Variants in HMCES observed in about 807,000 individuals in gnomAD.
The protein encoded by HMCES is abasic site processing protein HMCES.
Under a neutral mutation model 35.1 loss-of-function variants are expected in HMCES, and 27 were observed. The ratio of observed to expected loss-of-function variants is 0.77; its 90% CI spans 0.57 to 1.06. The LOEUF (loss-of-function observed/expected upper bound fraction) is 1.06, where lower values mean the gene tolerates loss of function less well. Ranked by LOEUF, HMCES falls within the 50% of genes least tolerant of loss-of-function variation. The pLI, the probability that HMCES is intolerant of heterozygous loss-of-function variation, is 0.00. For missense variants in HMCES, 391 were observed against 430.4 expected (o/e 0.91, Z 0.81); for synonymous variants, 130 against 154.7 (o/e 0.84, Z 1.18).
At chr3:129,281,526 A>G (rs1387225203) in intron 2 of HMCES, among the ~76,000 whole-genome samples, 1 of 151,884 alleles carries the variant, frequency 6.6e-6, no homozygotes, top group African/African-American at 2.4e-5. Flanking sequence ...CCCCGTCTCT[A>G]CTGCAAATAC....
chr3:129,280,724 A>C (rs941243477), intron 2 of HMCES, among the ~76,000 whole-genome samples: 25 of 152,130 alleles, frequency 1.6e-4, no homozygotes, highest in Non-Finnish European at 2.4e-4. Flanking sequence ...GGTTATCTGA[A>C]GTTTAATTGC....
Position 129,304,902 on chromosome 3 carries a change from A to G in HMCES, c.*77A>G, listed in dbSNP as rs2107702293. On this transcript the variant is annotated 3_prime_UTR_variant, in exon 7 of 7. Coordinates refer to ENST00000383463, the MANE Select transcript of HMCES (RefSeq NM_020187.3). The stretch of plus-strand genomic sequence containing the variant: ...AATAGGTTCTTAACATTGTATGTAT[A>G]TGTGTTTGCTTTGGGAGGAGGTGGC... 8.3e-7 allele frequency: 1 copy of G among 1,198,010 alleles called. No individual in the cohort carries two copies. Among genetic ancestry groups the G allele is most frequent in the Non-Finnish European group, 1.2e-6 (1 of 819,678 alleles). The allele number at this position is 1,198,010 out of a possible 1,614,324, so 74.2% of individuals were successfully genotyped here.
chr3:129,300,687 G>C (rs1320925488), intron 5 of HMCES, among the ~76,000 whole-genome samples: 1 of 151,930 alleles, frequency 6.6e-6, no homozygotes, highest in African/African-American at 2.4e-5. Flanking sequence ...ACGAGTTCAG[G>C]AGATCAAGAC....
chr3:129,297,025 A>C (rs185279507), intron 4 of HMCES, among the ~76,000 whole-genome samples: 99 of 152,300 alleles, frequency 6.5e-4, no homozygotes, highest in African/African-American at 2.3e-3. Context: ...GGCATGAGCC[A>C]CCACGACCAG....
chr3:129,298,534 A>G lies in HMCES; in HGVS notation c.634A>G (p.Arg212Gly). The change falls in exon 5 of 7, where the codon AGG becomes GGG. Residue 212 changes from arginine to glycine, a missense_variant and splice_region_variant. By Grantham distance (125) the Arg-to-Gly change is moderately radical (BLOSUM62 -2). Transcript: ENST00000383463. The stretch of plus-strand genomic sequence containing the variant: ...CAAAGGCTTGAGTGACATCCACCAC[A>G]GGCAAGTCATACTTCTTAGCCCTGG... ...SCKGLSDIHHRMPAILDGEEA... is the reference protein window; with the variant it reads ...SCKGLSDIHHGMPAILDGEEA... 1 of 1,613,084 alleles carries G rather than the reference A, an allele frequency of 6.2e-7. No homozygotes were observed. Among genetic ancestry groups the G allele is most frequent in the Non-Finnish European group, 8.5e-7 (1 of 1,179,074 alleles).
chr3:129,292,015 G>T (rs1416329812), intron 4 of HMCES, among the ~76,000 whole-genome samples: 1 of 152,096 alleles, frequency 6.6e-6, no homozygotes, highest in Non-Finnish European at 1.5e-5. Context: ...GGTGGAGGTT[G>T]CAGTGAGCTG....
chr3:129,291,124 C>T (rs547708732), intron 4 of HMCES, among the ~76,000 whole-genome samples: 15 of 152,054 alleles, frequency 9.9e-5, no homozygotes, highest in Non-Finnish European at 1.0e-4. Context: ...ATCACTTGAA[C>T]CCACGAGATA....
intron 2 of HMCES, among the ~76,000 whole-genome samples, chr3:129,285,879 G>A (rs575076357): frequency 5.9e-5 from 9 of 152,026 alleles, no homozygotes; most frequent in East Asian, 3.9e-4. Flanking sequence ...ACAGGCACAC[G>A]CCACCACACC....
At chr3:129,291,144 A>G (rs949708618) in intron 4 of HMCES, among the ~76,000 whole-genome samples, 4 of 152,130 alleles carry the variant, frequency 2.6e-5, no homozygotes, top group South Asian at 2.1e-4. Context: ...AGAGGCTGCA[A>G]TGAGCTATGA....
chr3:129,302,786 G>T (rs2071185456), intron 6 of HMCES, among the ~76,000 whole-genome samples: 1 of 152,058 alleles, frequency 6.6e-6, no homozygotes, highest in African/African-American at 2.4e-5. Context: ...GCAGAGGTGG[G>T]AGGGTAGCTT....
chr3:129,294,294 G>A (rs1458208568), intron 4 of HMCES, among the ~76,000 whole-genome samples: 1 of 152,136 alleles, frequency 6.6e-6, no homozygotes, highest in Non-Finnish European at 1.5e-5. Context: ...GCAGTGGTGG[G>A]TGCCTGTAGT....
In HMCES at chr3:129,279,411, G is replaced by A. The variant is rs936405123; in HGVS notation, c.-23-299G>A. Among the ~76,000 whole-genome samples, 1 of 152,212 alleles carries A rather than the reference G, an allele frequency of 6.6e-6. No individual in the cohort carries two copies. The highest frequency in any genetic ancestry group is 1.5e-5 in the Non-Finnish European group (1 of 68,032). On this transcript the variant is annotated intron_variant, in intron 1 of 6. Transcript: ENST00000383463. The surrounding 1 kb of genome is among the most constrained non-coding windows in gnomAD (Gnocchi z 4.2). ...GAGGCGACCCCAGCTAGCTGCGCTT[G>A]CCCTGCTTCGCTGGACTGTGAAGCC...
At chr3:129,300,507 T>C (rs2071149672) in intron 5 of HMCES, among the ~76,000 whole-genome samples, 1 of 152,214 alleles carries the variant, frequency 6.6e-6, no homozygotes, top group Non-Finnish European at 1.5e-5. Context: ...GAGTACTCCC[T>C]GAAGTGATTT....
chr3:129,298,681 T>G, intron 5 of HMCES, 146 bp downstream of exon 5: 1 of 687,522 alleles, frequency 1.5e-6, no homozygotes, highest in South Asian at 2.0e-5. Flanking sequence ...CATACATTCC[T>G]AAAAATCACT....
At chr3:129,287,199 T>C (rs1483175764) in intron 2 of HMCES, among the ~76,000 whole-genome samples, 1 of 150,618 alleles carries the variant, frequency 6.6e-6, no homozygotes, top group African/African-American at 2.5e-5. Context: ...TTTTTGTTTT[T>C]TTTTGTGGGG....
intron 2 of HMCES, among the ~76,000 whole-genome samples, chr3:129,280,179 A>G (rs916099153): frequency 6.6e-6 from 1 of 152,226 alleles, no homozygotes; most frequent in South Asian, 2.1e-4. Context: ...TGCCAAATTT[A>G]TATGAGCTTT....
intron 3 of HMCES, among the ~76,000 whole-genome samples, chr3:129,289,447 A>G (rs1940737346): frequency 6.6e-6 from 1 of 152,278 alleles, no homozygotes; most frequent in Admixed American, 6.5e-5. Context: ...CCAACAGAGC[A>G]GGACAGAAGA....
At position 129,298,472 on chromosome 3, in the gene HMCES, T is replaced by C. The variant is rs369759737; in HGVS notation, c.572T>C (p.Val191Ala). 6.2e-6 allele frequency: 10 copies of C among 1,614,022 alleles called. No individual in the cohort carries two copies. The African/African-American group carries it at 1.2e-4, about 19-fold the overall frequency. Residue 191 changes from valine (V) to alanine (A), a missense_variant, in exon 5 of 7, where the codon GTC (valine) becomes GCC (alanine). By Grantham distance (64) the Val-to-Ala change is moderately conservative. Coordinates refer to ENST00000383463, the MANE Select transcript of HMCES (RefSeq NM_020187.3). ...TGGGAGCCCCCAGAGGGAGGAGATGTCCTGTATTCCTATACCATCATCACA... is the reference window on the plus strand; with the variant it reads ...TGGGAGCCCCCAGAGGGAGGAGATGCCCTGTATTCCTATACCATCATCACA... The part of the protein sequence containing the change: ...DCWEPPEGGD[V>A]LYSYTIITVD...
At chr3:129,299,487 G>T (rs541640394) in intron 5 of HMCES, among the ~76,000 whole-genome samples, 9 of 152,180 alleles carry the variant, frequency 5.9e-5, no homozygotes, top group African/African-American at 1.9e-4. Flanking sequence ...ATCTGTACTT[G>T]TGGCTTCTCC....
Sources: allele counts gnomAD v4.1 joint callset (sites outside exome capture counted in the v4.1 genomes callset), GRCh38; gene constraint gnomAD v4.1.1; non-coding constraint Gnocchi (gnomAD v3.1); transcripts MANE v1.5; gene names NCBI Gene and HGNC (gene_info 2026-07-23, HGNC 2026-07-21).